The following KCTD16 variants were observed in gnomAD, a reference collection of about 807,000 sequenced individuals.
KCTD16 encodes BTB/POZ domain-containing protein KCTD16.
A neutral mutation model predicts 33.2 loss-of-function variants in KCTD16; 13 were observed. The ratio of observed to expected loss-of-function variants is 0.39; its 90% CI spans 0.25 to 0.62. The LOEUF (loss-of-function observed/expected upper bound fraction) is 0.62. Among genes scored for constraint, KCTD16 ranks in the 20% least tolerant of loss-of-function variants. The pLI, the probability that KCTD16 is intolerant of heterozygous loss-of-function variation, is 0.50. For missense variants in KCTD16, 441 were observed against 525.1 expected (o/e 0.84, Z 1.57); for synonymous variants, 197 against 195.3 (o/e 1.01, Z -0.07).
intron 3 of KCTD16, among the ~76,000 whole-genome samples, chr5:144,462,369 G>T (rs1472085520): frequency 6.6e-6 from 1 of 151,986 alleles, no homozygotes; most frequent in Non-Finnish European, 1.5e-5. Context: ...TAATCAATCT[G>T]CAGAAGATCT....
chr5:144,278,438 G>A (rs992734594), intron 3 of KCTD16, among the ~76,000 whole-genome samples: 1 of 134,630 alleles, frequency 7.4e-6, no homozygotes, highest in Non-Finnish European at 1.6e-5. Context: ...TTCCAACTTT[G>A]TTCTTATTTT....
Position 144,388,172 on chromosome 5 carries a change from C to T in KCTD16, c.833-85488C>T, listed in dbSNP as rs769169000. On this transcript the variant is annotated intron_variant, in intron 3 of 3. Coordinates refer to ENST00000512467, the MANE Select transcript of KCTD16 (RefSeq NM_020768.4). ...TCGGCTCACTGCAAGCTCCGCCTCC[C>T]GGGTTCACGCCATTCTCCTCTCTCA... Among the ~76,000 whole-genome samples the T allele has an allele frequency of 4.0e-5, 6 of 149,058 alleles. No individual in the cohort carries two copies. The East Asian group carries it at 7.9e-4, about 20-fold the overall frequency.
intron 3 of KCTD16, among the ~76,000 whole-genome samples, chr5:144,390,198 T>C (rs961433255): frequency 6.6e-6 from 1 of 152,238 alleles, no homozygotes; most frequent in Non-Finnish European, 1.5e-5. Flanking sequence ...TGTGATAATT[T>C]ATCATGGCTA....
chr5:144,359,001 C>T (rs1348297531), intron 3 of KCTD16, among the ~76,000 whole-genome samples: 2 of 152,192 alleles, frequency 1.3e-5, no homozygotes, highest in African/African-American at 2.4e-5. Context: ...TGCAGACCCA[C>T]ATTTGGGACT....
intron 3 of KCTD16, among the ~76,000 whole-genome samples, chr5:144,456,771 T>C (rs1415971564): frequency 1.3e-5 from 2 of 151,808 alleles, no homozygotes; most frequent in Admixed American, 6.6e-5. Flanking sequence ...TTTTTTTTTT[T>C]CTGGTGGGTG....
intron 3 of KCTD16, among the ~76,000 whole-genome samples, chr5:144,233,885 C>CA (rs1009041715): frequency 1.3e-5 from 2 of 151,906 alleles, no homozygotes; most frequent in Non-Finnish European, 2.9e-5. Flanking sequence ...AGGGAGGGAT[C>CA]AAAAAATGCT....
intron 3 of KCTD16, among the ~76,000 whole-genome samples, chr5:144,347,734 C>A (rs965781803): frequency 6.6e-6 from 1 of 152,158 alleles, no homozygotes; most frequent in African/African-American, 2.4e-5. Context: ...GCACTGAATG[C>A]GCTGACAGCT....
intron 2 of KCTD16, among the ~76,000 whole-genome samples, chr5:144,194,384 A>G (rs1752901470): frequency 6.6e-6 from 1 of 152,170 alleles, no homozygotes; most frequent in African/African-American, 2.4e-5. Flanking sequence ...TCTCAGTAGG[A>G]GGCTCTGCAT....
At chr5:144,309,386 G>A (rs1354105917) in intron 3 of KCTD16, among the ~76,000 whole-genome samples, 2 of 149,924 alleles carry the variant, frequency 1.3e-5, no homozygotes, top group Non-Finnish European at 3.0e-5. Context: ...TTTTCAGGCC[G>A]AAAAGATAAT....
chr5:144,265,029 C>T (rs765554028), intron 3 of KCTD16, among the ~76,000 whole-genome samples: 1 of 152,166 alleles, frequency 6.6e-6, no homozygotes, highest in East Asian at 1.9e-4. Flanking sequence ...TACTTCCTAG[C>T]TGTTAGCAAT....
At chr5:144,295,984 A>T (rs1415707974) in intron 3 of KCTD16, among the ~76,000 whole-genome samples, 1 of 152,176 alleles carries the variant, frequency 6.6e-6, no homozygotes, top group Non-Finnish European at 1.5e-5. Context: ...ACCTATAGAG[A>T]CCTGTAAGGT....
chr5:144,226,599 G>A (rs1230043620), intron 3 of KCTD16, among the ~76,000 whole-genome samples: 1 of 150,664 alleles, frequency 6.6e-6, no homozygotes, highest in African/African-American at 2.4e-5. Flanking sequence ...TTTTGACAGG[G>A]TCTCAGTCTA....
In KCTD16 at chr5:144,244,963, T is replaced by A. The variant is rs549345817; in HGVS notation, c.832+37417T>A. Among the ~76,000 whole-genome samples, 675 of 152,322 alleles carry A rather than the reference T, an allele frequency of 4.4e-3. 6 individuals carry two copies. The highest frequency in any genetic ancestry group is 0.016 in the African/African-American group (654 of 41,564). ...GGCATTATTTTGGCTTGTCATCAGA[T>A]GTGAACCTTGGAGATTATTATAAGA... On this transcript the variant is annotated intron_variant, in intron 3 of 3. Coordinates refer to ENST00000512467, the MANE Select transcript of KCTD16 (RefSeq NM_020768.4).
intron 3 of KCTD16, among the ~76,000 whole-genome samples, chr5:144,266,189 G>C (rs1475679283): frequency 6.6e-6 from 1 of 152,148 alleles, no homozygotes; most frequent in Non-Finnish European, 1.5e-5. Context: ...AAGTATGTAT[G>C]CATGCATGCA....
intron 3 of KCTD16, among the ~76,000 whole-genome samples, chr5:144,400,646 A>T (rs1046020408): frequency 3.3e-5 from 5 of 152,168 alleles, no homozygotes; most frequent in African/African-American, 1.2e-4. Flanking sequence ...GAATTCAATG[A>T]TGACTGAAGC....
intron 3 of KCTD16, among the ~76,000 whole-genome samples, chr5:144,330,167 C>T (rs1298719723): frequency 6.6e-6 from 1 of 152,132 alleles, no homozygotes; most frequent in Non-Finnish European, 1.5e-5. Context: ...AATCCCAGCA[C>T]TTTGGGAGGC....
At chr5:144,331,997 T>C (rs768620582) in intron 3 of KCTD16, among the ~76,000 whole-genome samples, 21 of 152,182 alleles carry the variant, frequency 1.4e-4, no homozygotes, top group Non-Finnish European at 2.9e-4. Context: ...GCAGAAATTC[T>C]TAGAAAAAGC....
chr5:144,397,201 G>A lies in KCTD16; in HGVS notation c.833-76459G>A, dbSNP rs533259787. Among the ~76,000 whole-genome samples the A allele has an allele frequency of 3.5e-4, 52 of 150,676 alleles. No individual in the cohort carries two copies. The Middle Eastern group carries it at 0.01, about 30-fold the overall frequency. On this transcript the variant is annotated intron_variant, in intron 3 of 3. Coordinates refer to ENST00000512467, the MANE Select transcript of KCTD16 (RefSeq NM_020768.4). ...TGGTTTTTTGTCCTTCCAATAGTTT[G>A]CTGAGAATGATGGTTTCCAGCTTCA...
At chr5:144,274,230 T>C (rs1377481945) in intron 3 of KCTD16, among the ~76,000 whole-genome samples, 1 of 152,030 alleles carries the variant, frequency 6.6e-6, no homozygotes, top group Admixed American at 6.6e-5. Context: ...CTGTATCCTT[T>C]TCCTTCTTCT....
Sources: gnomAD v4.1 joint callset for allele counts (sites outside exome capture counted in the v4.1 genomes callset) on GRCh38, gnomAD v4.1.1 for gene constraint, MANE v1.5 for transcripts, NCBI Gene and HGNC (gene_info 2026-07-23, HGNC 2026-07-21) for gene names.